Variants in SYT16 observed in about 807,000 individuals in gnomAD.
The protein encoded by SYT16 is synaptotagmin 16.
A neutral mutation model predicts 61.4 loss-of-function variants in SYT16; 42 were observed. That is an observed-to-expected ratio of 0.68 (90% CI 0.53 to 0.89). The LOEUF (loss-of-function observed/expected upper bound fraction) is 0.89, where lower values mean the gene tolerates loss of function less well. SYT16 is among the 40% of genes least tolerant of loss of function. The pLI is 0.00. For synonymous variants in SYT16, 314 were observed against 302.3 expected, an observed-to-expected ratio of 1.04 and a Z score of -0.40; for missense variants, 804 against 807.3, an observed-to-expected ratio of 1.00 and a Z score of 0.05.
intron 4 of SYT16, among the ~76,000 whole-genome samples, chr14:62,072,192 T>G (rs919525062): frequency 6.6e-6 from 1 of 152,200 alleles, no homozygotes; most frequent in Non-Finnish European, 1.5e-5. Context: ...ATTCTGAGGA[T>G]ATTTCCTACA....
At chr14:61,954,354 T>C (rs1472641853) in intron 1 of SYT16, among the ~76,000 whole-genome samples, 1 of 151,696 alleles carries the variant, frequency 6.6e-6, no homozygotes, top group Non-Finnish European at 1.5e-5. Context: ...GAATGAAATT[T>C]ACAAACATCT....
intron 1 of SYT16, among the ~76,000 whole-genome samples, chr14:61,863,377 C>T (rs1404982416): frequency 6.6e-6 from 1 of 152,162 alleles, no homozygotes; most frequent in African/African-American, 2.4e-5. Context: ...TCTGGAACAT[C>T]TTTTTACATG....
intron 3 of SYT16, among the ~76,000 whole-genome samples, chr14:62,029,819 T>C (rs371598472): frequency 7.2e-5 from 11 of 152,232 alleles, no homozygotes; most frequent in South Asian, 4.1e-4. Context: ...GATGGTTTTA[T>C]CAGCTGAGGC....
chr14:61,841,634 G>A (rs2046304450), intron 1 of SYT16, among the ~76,000 whole-genome samples: 2 of 152,166 alleles, frequency 1.3e-5, no homozygotes, highest in African/African-American at 4.8e-5. Context: ...ATTGGACATT[G>A]TACTCAGCAA....
chr14:62,069,449 C>T (rs1424520345), intron 3 of SYT16, 154 bp from the exon 4 acceptor site: 6 of 697,030 alleles, frequency 8.6e-6, no homozygotes, highest in Admixed American at 2.9e-5. Context: ...ATTTGTGTTG[C>T]AAAAGTGCTT....
intron 1 of SYT16, among the ~76,000 whole-genome samples, chr14:61,849,793 C>A (rs184958176): frequency 6.6e-6 from 1 of 152,204 alleles, no homozygotes; most frequent in African/African-American, 2.4e-5. Context: ...ATTGGTCACC[C>A]GATTTTTCAT....
intron 1 of SYT16, among the ~76,000 whole-genome samples, chr14:61,842,394 T>C (rs994636627): frequency 3.9e-5 from 6 of 152,192 alleles, no homozygotes; most frequent in Non-Finnish European, 8.8e-5. Flanking sequence ...GCTTTGAATT[T>C]TAGGTCCCAC....
intron 3 of SYT16, among the ~76,000 whole-genome samples, chr14:61,997,621 A>G (rs78390704): frequency 0.02 from 2,975 of 152,172 alleles, 54 homozygotes; most frequent in Non-Finnish European, 0.029. Context: ...GGTGAAAATG[A>G]GGTAGGCTGA....
chr14:61,821,864 A>G (rs889865978), intron 1 of SYT16, among the ~76,000 whole-genome samples: 2 of 152,208 alleles, frequency 1.3e-5, no homozygotes, highest in Non-Finnish European at 2.9e-5. Context: ...CTACTTCTTC[A>G]ATTAGATTTT....
chr14:61,867,386 T>G (rs1002861497), intron 1 of SYT16, among the ~76,000 whole-genome samples: 2 of 152,090 alleles, frequency 1.3e-5, no homozygotes, highest in African/African-American at 4.8e-5. Context: ...CTTTATTTGC[T>G]GATTTAACCT....
At chr14:61,859,021 A>ATT (rs60251753) in intron 1 of SYT16, among the ~76,000 whole-genome samples, 1 of 146,200 alleles carries the variant, frequency 6.8e-6, no homozygotes, top group African/African-American at 2.5e-5. Flanking sequence ...CGCCCGGCTA[A>ATT]TTTTTTTTTT....
chr14:61,814,093 A>AT (rs1049562049), intron 1 of SYT16, among the ~76,000 whole-genome samples: 26 of 152,284 alleles, frequency 1.7e-4, no homozygotes, highest in African/African-American at 6.3e-4. Flanking sequence ...GGCCTTCAGT[A>AT]AATGGTGGTT....
At chr14:61,865,096 T>A in intron 1 of SYT16, 1 of 1,354,280 alleles carries the variant, frequency 7.4e-7, no homozygotes, top group African/African-American at 1.4e-5. Flanking sequence ...CCACTGTGAC[T>A]CATCTGCTGG....
intron 1 of SYT16, among the ~76,000 whole-genome samples, chr14:61,848,606 G>T (rs2046515043): frequency 6.6e-6 from 1 of 152,090 alleles, no homozygotes; most frequent in African/African-American, 2.4e-5. Flanking sequence ...AAGAACCTTG[G>T]GCTCTGTGAT....
intron 3 of SYT16, among the ~76,000 whole-genome samples, chr14:62,057,396 G>T (rs763558776): frequency 3.9e-5 from 6 of 152,174 alleles, no homozygotes; most frequent in Non-Finnish European, 7.3e-5. Flanking sequence ...ACCTTAGTTC[G>T]TGGCTGTTGG....
intron 1 of SYT16, among the ~76,000 whole-genome samples, chr14:61,858,120 C>CAAAAAAAAAAAAAAAAAAA (rs34781118): frequency 4.6e-5 from 2 of 43,224 alleles, no homozygotes; most frequent in Non-Finnish European, 1.1e-4. Context: ...CACAGCTTGG[C>CAAAAAAAAAAAAAAAAAAA]AAAAAAAAAA....
In SYT16 at chr14:61,996,129, C is replaced by T; in HGVS notation, c.110C>T (p.Ala37Val). Reference sequence around the variant, plus strand: ...CAGCAAGCAGGAGATATGTTATCTGCTTCGCTGGTTAACATAAGCAAACAA... The same window carrying T: ...CAGCAAGCAGGAGATATGTTATCTGTTTCGCTGGTTAACATAAGCAAACAA... ...ALQQAGDMLS[A>V]SLVNISKQDS... Residue 37 changes from alanine to valine, a missense_variant, in exon 3 of 8, where the codon GCT (alanine) becomes GTT (valine). By Grantham distance (64) the Ala-to-Val change is moderately conservative. Transcript: ENST00000683842. 6.2e-7 allele frequency: 1 copy of T among 1,613,330 alleles called. No homozygotes were observed. Among genetic ancestry groups the T allele is most frequent in the Non-Finnish European group, 8.5e-7 (1 of 1,179,520 alleles).
In SYT16 at chr14:62,075,139, G is replaced by C; in HGVS notation, c.741G>C (p.Leu247Phe). ...DGTEVSACEDLDGASQRRYSE... is the reference protein window; with the variant it reads ...DGTEVSACEDFDGASQRRYSE... Reference sequence around the variant, plus strand: ...GTTTTCTTATTGCAAATTTAGATTTGGATGGAGCCAGCCAACGGCGTTATT... The same window carrying C: ...GTTTTCTTATTGCAAATTTAGATTTCGATGGAGCCAGCCAACGGCGTTATT... The change falls in exon 5 of 8, where the codon TTG (leucine) becomes TTC (phenylalanine). Residue 247 changes from leucine to phenylalanine, a missense_variant. Transcript: ENST00000683842. 6.2e-7 allele frequency: 1 copy of C among 1,602,964 alleles called. No homozygotes were observed. The highest frequency in any genetic ancestry group is 1.7e-5 in the Admixed American group (1 of 58,872).
chr14:61,870,552 A>C (rs957049205), intron 1 of SYT16, among the ~76,000 whole-genome samples: 1 of 151,740 alleles, frequency 6.6e-6, no homozygotes, highest in Admixed American at 6.6e-5. Context: ...TGTTTCTTCA[A>C]ATATTTTTGC....
Sources: allele counts gnomAD v4.1 joint callset (sites outside exome capture counted in the v4.1 genomes callset), GRCh38; gene constraint gnomAD v4.1.1; transcripts MANE v1.5; gene names NCBI Gene and HGNC (gene_info 2026-07-23, HGNC 2026-07-21).